Variants in GPC5 observed in about 807,000 individuals in gnomAD.
The protein encoded by GPC5 is glypican 5, also known as glypican-5.
In GPC5, 47 loss-of-function variants were observed where a neutral mutation model predicts 53.9. The observed-to-expected ratio is 0.87, with a 90% CI of 0.69 to 1.11. The LOEUF is 1.11. GPC5 is among the 50% of genes most tolerant of loss of function. The pLI, the probability that GPC5 is intolerant of heterozygous loss-of-function variation, is 0.00. For missense variants in GPC5, 748 were observed against 713.1 expected (o/e 1.05, Z -0.56); for synonymous variants, 286 against 263.3 (o/e 1.09, Z -0.84).
At chr13:92,069,762 C>T (rs116820456) in intron 6 of GPC5, among the ~76,000 whole-genome samples, 1 of 152,066 alleles carries the variant, frequency 6.6e-6, no homozygotes, top group Non-Finnish European at 1.5e-5. Flanking sequence ...TCCAGAACTG[C>T]CAAATCTGGA....
chr13:92,215,380 G>C (rs1258965054), intron 7 of GPC5, among the ~76,000 whole-genome samples: 1 of 152,094 alleles, frequency 6.6e-6, no homozygotes, highest in African/African-American at 2.4e-5. Context: ...TGTGATTGCT[G>C]GAACAATTCA....
chr13:91,436,763 A>T (rs1880005458), intron 1 of GPC5, among the ~76,000 whole-genome samples: 1 of 152,100 alleles, frequency 6.6e-6, no homozygotes, highest in African/African-American at 2.4e-5. Flanking sequence ...TGTGTCGTTG[A>T]TCTGTCTAAT....
chr13:92,702,701 T>C (rs528109663), intron 7 of GPC5, among the ~76,000 whole-genome samples: 1 of 152,204 alleles, frequency 6.6e-6, no homozygotes, highest in African/African-American at 2.4e-5. Flanking sequence ...CATCGCCTAT[T>C]CACAACAGGG....
intron 7 of GPC5, among the ~76,000 whole-genome samples, chr13:92,723,740 T>C (rs1888565858): frequency 6.6e-6 from 1 of 151,722 alleles, no homozygotes; most frequent in Admixed American, 6.6e-5. Context: ...TTTAGGTTAG[T>C]TTCTTGAAGA....
intron 7 of GPC5, among the ~76,000 whole-genome samples, chr13:92,379,125 G>T (rs541669585): frequency 1.4e-4 from 22 of 152,156 alleles, no homozygotes; most frequent in Non-Finnish European, 3.2e-4. Context: ...ATTTGGTGGG[G>T]CTCAGACATA....
intron 7 of GPC5, among the ~76,000 whole-genome samples, chr13:92,351,211 C>CA (rs1284906878): frequency 6.6e-6 from 1 of 151,214 alleles, no homozygotes; most frequent in Non-Finnish European, 1.5e-5. Context: ...CAGGAAAAGA[C>CA]AAAAAATAAA....
intron 7 of GPC5, among the ~76,000 whole-genome samples, chr13:92,217,124 T>C (rs951023389): frequency 3.9e-5 from 6 of 152,170 alleles, no homozygotes; most frequent in African/African-American, 1.2e-4. Context: ...GGCTTGTGCC[T>C]CAGGGTATGC....
intron 7 of GPC5, among the ~76,000 whole-genome samples, chr13:92,491,314 A>G (rs1466517281): frequency 3.3e-5 from 5 of 152,132 alleles, no homozygotes; most frequent in Non-Finnish European, 7.4e-5. Context: ...AAAAATAGGG[A>G]CTAATAAAGA....
chr13:91,828,949 T>C (rs1392722464), intron 5 of GPC5, among the ~76,000 whole-genome samples: 1 of 152,084 alleles, frequency 6.6e-6, no homozygotes, highest in East Asian at 1.9e-4. Context: ...CACTAATGGG[T>C]AATATTTTGA....
chr13:91,950,273 T>G (rs1438776940), intron 6 of GPC5, among the ~76,000 whole-genome samples: 1 of 151,080 alleles, frequency 6.6e-6, no homozygotes, highest in African/African-American at 2.4e-5. Context: ...CAAGTTTTTT[T>G]TTTTTTTTTT....
At chr13:91,978,279 CAT>C (rs2040325783) in intron 6 of GPC5, among the ~76,000 whole-genome samples, 1 of 152,208 alleles carries the variant, frequency 6.6e-6, no homozygotes, top group South Asian at 2.1e-4. Context: ...CGTATTAACA[CAT>C]AGTCACTATG....
intron 7 of GPC5, among the ~76,000 whole-genome samples, chr13:92,657,817 A>T (rs1886191864): frequency 6.6e-6 from 1 of 151,968 alleles, no homozygotes; most frequent in Admixed American, 6.6e-5. Context: ...ACATTCTTTT[A>T]ACTCTTCAGA....
At chr13:92,183,319 C>T (rs2042161035) in intron 7 of GPC5, among the ~76,000 whole-genome samples, 1 of 152,132 alleles carries the variant, frequency 6.6e-6, no homozygotes, top group Non-Finnish European at 1.5e-5. Flanking sequence ...CTTGACCCAA[C>T]CATGGAAGGC....
At chr13:92,545,713 G>A (rs1882085926) in intron 7 of GPC5, among the ~76,000 whole-genome samples, 1 of 152,152 alleles carries the variant, frequency 6.6e-6, no homozygotes, top group Non-Finnish European at 1.5e-5. Context: ...CTGCATAAAT[G>A]TCTTCTTTTG....
intron 7 of GPC5, among the ~76,000 whole-genome samples, chr13:92,628,264 C>CTTTTTTTGTTTTTTTTT (rs1885115928): frequency 2.2e-5 from 1 of 45,338 alleles, no homozygotes; most frequent in Non-Finnish European, 4.3e-5. Context: ...CTTTTTCTTT[C>CTTTTTTTGTTTTTTTTT]TTTTTTTTTT....
intron 7 of GPC5, among the ~76,000 whole-genome samples, chr13:92,692,759 T>TTTTTTTTTTTTTTTTTTGTTTTTTTTTG (rs1566366407): frequency 7.0e-6 from 1 of 142,114 alleles, no homozygotes; most frequent in African/African-American, 2.6e-5. Context: ...CGGCTATTTT[T>TTTTTTTTTTTTTTTTTTGTTTTTTTTTG]TTTTTTTTTT....
intron 7 of GPC5, among the ~76,000 whole-genome samples, chr13:92,385,413 T>TATATATACATATATACATATATAC (rs201016219): frequency 1.4e-5 from 1 of 71,114 alleles, no homozygotes; most frequent in Non-Finnish European, 2.8e-5. Flanking sequence ...TATATACACA[T>TATATATACATATATACATATATAC]ATATATACAT....
intron 7 of GPC5, among the ~76,000 whole-genome samples, chr13:92,558,854 C>T (rs1181081833): frequency 1.3e-5 from 2 of 151,912 alleles, no homozygotes; most frequent in Non-Finnish European, 2.9e-5. Context: ...ACATACTAAA[C>T]CCCCCGAAGT....
rs114440835 is a variant in GPC5, at chr13:92,060,691, C to T, written c.1402-84139C>T. ...TCTATGTAGTTTTATTGTGAATGAA[C>T]GGAAGTCATTCACCTTTATATCGAA... On this transcript the variant is annotated intron_variant, in intron 6 of 7. Transcript: ENST00000377067. Among the ~76,000 whole-genome samples, 976 of 151,976 alleles carry T rather than the reference C, an allele frequency of 6.4e-3. 19 individuals carry two copies. The highest frequency in any genetic ancestry group is 0.023 in the African/African-American group (945 of 41,388).
Sources: allele counts gnomAD v4.1 joint callset (sites outside exome capture counted in the v4.1 genomes callset), GRCh38; gene constraint gnomAD v4.1.1; transcripts MANE v1.5; gene names NCBI Gene and HGNC (gene_info 2026-07-23, HGNC 2026-07-21).